NRP1: variants seen among roughly 807,000 people sequenced by gnomAD.
NRP1 encodes neuropilin 1.
Under a neutral mutation model 106.7 loss-of-function variants are expected in NRP1, and 35 were observed. The observed-to-expected ratio is 0.33, with a 90% confidence interval of 0.25 to 0.43. NRP1 has a LOEUF of 0.43. Among genes scored for constraint, NRP1 ranks in the 20% least tolerant of loss-of-function variants. The pLI is 1.00. For missense variants in NRP1, 1,024 were observed against 1,170.4 expected (o/e 0.87, Z 1.83); for synonymous variants, 437 against 417.9 (o/e 1.05, Z -0.56).
chr10:33,228,141 T>TA (rs35368401), intron 6 of NRP1, among the ~76,000 whole-genome samples: 56,369 of 151,716 alleles, frequency 0.37, 10,591 homozygotes, highest in East Asian at 0.63. Flanking sequence ...AACACAAGCT[T>TA]AAAAAAAAGT....
intron 9 of NRP1, among the ~76,000 whole-genome samples, chr10:33,208,202 A>T (rs1322739044): frequency 6.6e-6 from 1 of 152,204 alleles, no homozygotes; most frequent in Non-Finnish European, 1.5e-5. Flanking sequence ...CTGGGATTAC[A>T]GGCATGCGCC....
Position 33,185,609 on chromosome 10 carries a change from T to G in NRP1, c.2431+19A>C, listed in dbSNP as rs748838488. On this transcript the variant is annotated intron_variant, in intron 15 of 16. Transcript: ENST00000374867. ...CCTGGGCAAGCACTCCATTGGTTTC[T>G]ACAGCAGCTCATACTTACTTGCACA... The G allele has an allele frequency of 4.4e-6, 7 of 1,574,438 alleles. No individual in the cohort carries two copies. The African/African-American group carries it at 9.4e-5, about 21-fold the overall frequency.
intron 2 of NRP1, among the ~76,000 whole-genome samples, chr10:33,324,981 T>A (rs1280699420): frequency 1.3e-5 from 2 of 152,122 alleles, no homozygotes; most frequent in African/African-American, 4.8e-5. Context: ...GATTTTGAAA[T>A]GTATAAAAAT....
chr10:33,320,453 G>A (rs1380083489), intron 2 of NRP1, among the ~76,000 whole-genome samples: 2 of 152,190 alleles, frequency 1.3e-5, no homozygotes, highest in East Asian at 1.9e-4. Flanking sequence ...GAGGAGGAGC[G>A]GATGTGGCCA....
chr10:33,270,550 T>G, intron 3 of NRP1, 125 bp downstream of exon 3: 1 of 724,974 alleles, frequency 1.4e-6, no homozygotes. Context: ...TGGTCTTGAA[T>G]TCCTGAGCTC....
At chr10:33,286,641 A>G (rs1298933040) in intron 2 of NRP1, among the ~76,000 whole-genome samples, 4 of 152,174 alleles carry the variant, frequency 2.6e-5, no homozygotes, top group Non-Finnish European at 4.4e-5. Context: ...TTCCACATCT[A>G]TTTTGAGGGT....
chr10:33,318,026 T>TA (rs1329952205), intron 2 of NRP1, among the ~76,000 whole-genome samples: 4 of 152,226 alleles, frequency 2.6e-5, no homozygotes, highest in African/African-American at 7.2e-5. Context: ...CCTGTTATAG[T>TA]AATACCTAGG....
intron 2 of NRP1, among the ~76,000 whole-genome samples, chr10:33,323,448 TG>T (rs1460735574): frequency 6.6e-6 from 1 of 152,074 alleles, no homozygotes; most frequent in African/African-American, 2.4e-5. Context: ...ATATTCTGTT[TG>T]TTTTTTTTTC....
chr10:33,271,074 C>A (rs1445705177), intron 2 of NRP1, among the ~76,000 whole-genome samples: 1 of 152,138 alleles, frequency 6.6e-6, no homozygotes, highest in East Asian at 1.9e-4. Context: ...CAACACACAA[C>A]TATTAAGAAT....
intron 6 of NRP1, among the ~76,000 whole-genome samples, chr10:33,232,313 G>A (rs375107743): frequency 1.3e-5 from 2 of 152,186 alleles, no homozygotes; most frequent in East Asian, 3.9e-4. Flanking sequence ...AACCCAATCA[G>A]CTCTGCTCTA....
chr10:33,190,960 C>A (rs1697889646), intron 13 of NRP1, among the ~76,000 whole-genome samples: 1 of 152,040 alleles, frequency 6.6e-6, no homozygotes, highest in African/African-American at 2.4e-5. Flanking sequence ...CTCAAAGGAT[C>A]CTAAAACAGA....
At chr10:33,249,191 T>A (rs944615964) in intron 6 of NRP1, among the ~76,000 whole-genome samples, 4 of 146,506 alleles carry the variant, frequency 2.7e-5, no homozygotes, top group African/African-American at 5.1e-5. Flanking sequence ...GCTGGAAGGA[T>A]AAATCTGTTT....
At chr10:33,249,527 A>G in intron 6 of NRP1, 1 of 530,768 alleles carries the variant, frequency 1.9e-6, no homozygotes, top group South Asian at 1.4e-5. Flanking sequence ...CACCACTGAT[A>G]CACGGAGTCT....
chr10:33,253,692 T>A (rs140557778), intron 6 of NRP1, among the ~76,000 whole-genome samples: 87 of 152,320 alleles, frequency 5.7e-4, no homozygotes, highest in African/African-American at 2.0e-3. Context: ...AGTGTGTAGT[T>A]GGGAAAAATC....
At chr10:33,188,447 C>G (rs754748074) in intron 13 of NRP1, among the ~76,000 whole-genome samples, 9 of 152,076 alleles carry the variant, frequency 5.9e-5, no homozygotes, top group Non-Finnish European at 1.0e-4. Context: ...TTTCCAGTGC[C>G]CAACACAGCA....
chr10:33,295,810 T>C (rs1463738904), intron 2 of NRP1, among the ~76,000 whole-genome samples: 2 of 152,068 alleles, frequency 1.3e-5, no homozygotes, highest in African/African-American at 4.8e-5. Flanking sequence ...AAAAAGCAAA[T>C]ACATAAAAAT....
At chr10:33,320,365 G>A (rs1346176696) in intron 2 of NRP1, among the ~76,000 whole-genome samples, 2 of 150,842 alleles carry the variant, frequency 1.3e-5, no homozygotes, top group Admixed American at 1.3e-4. Flanking sequence ...CAGACAATCC[G>A]TAGCCCTTAA....
chr10:33,186,308 T>C lies in NRP1; in HGVS notation c.2243A>G (p.Tyr748Cys). 6.2e-7 allele frequency: 1 copy of C among 1,614,176 alleles called. No homozygotes were observed. Among genetic ancestry groups the C allele is most frequent in the Non-Finnish European group, 8.5e-7 (1 of 1,180,024 alleles). ...AATGGCCATCCAGACCAGCTGATCG[T>C]ACTCCTCTGGCTTCTGGTAGCGCAG... The part of the protein sequence containing the change: ...VKLRYQKPEE[Y>C]DQLVWMAIGH... Residue 748 changes from tyrosine to cysteine, a missense_variant, in exon 14 of 17, where the codon TAC becomes TGC. This residue lies in a region of NRP1 where 562 missense variants were observed against 620.3 expected (regional missense o/e 0.91). Coordinates refer to ENST00000374867, the MANE Select transcript of NRP1 (RefSeq NM_003873.7).
In NRP1 at chr10:33,275,354, G is replaced by A. The variant is rs111505070; in HGVS notation, c.249-4498C>T. Among the ~76,000 whole-genome samples the A allele has an allele frequency of 9.7e-3, 1,479 of 152,186 alleles. 9 individuals carry two copies. The highest frequency in any genetic ancestry group is 0.016 in the Non-Finnish European group (1,077 of 68,002). On this transcript the variant is annotated intron_variant, in intron 2 of 16. Coordinates refer to ENST00000374867, the MANE Select transcript of NRP1 (RefSeq NM_003873.7). The stretch of plus-strand genomic sequence containing the variant: ...AAGGCGGAGGTGGGTGGATCACGAG[G>A]TCAGGAGATCGAGACCATCCTGGCT...
Sources: allele counts gnomAD v4.1 joint callset (sites outside exome capture counted in the v4.1 genomes callset), GRCh38; gene constraint gnomAD v4.1.1; regional missense constraint gnomAD v4.1.1; transcripts MANE v1.5; gene names NCBI Gene and HGNC (gene_info 2026-07-23, HGNC 2026-07-21).